SYT7: variants seen among roughly 807,000 people sequenced by gnomAD.
SYT7 encodes synaptotagmin-7.
Under a neutral mutation model 75.1 loss-of-function variants are expected in SYT7, and 29 were observed. That is an observed-to-expected ratio of 0.39 (90% confidence interval 0.29 to 0.53). The LOEUF is 0.53. Ranked by LOEUF, SYT7 falls within the 20% of genes least tolerant of loss-of-function variation. SYT7 has a pLI of 0.77. For synonymous variants in SYT7, 376 were observed against 401.7 expected (o/e 0.94, Z 0.76); for missense variants, 693 against 953.2 (o/e 0.73, Z 3.59).
At chr11:61,556,330 C>A in intron 1 of SYT7, 123 bp from the exon 2 acceptor site, 1 of 711,714 alleles carries the variant, frequency 1.4e-6, no homozygotes, top group Admixed American at 2.7e-5. Flanking sequence ...AGCTCTGAAC[C>A]CAGGTTCTAC....
chr11:61,551,317 G>A lies in SYT7; in HGVS notation c.215+67C>T. 2 of 1,465,428 alleles carry A rather than the reference G, an allele frequency of 1.4e-6. No homozygotes were observed. Among genetic ancestry groups the A allele is most frequent in the Non-Finnish European group, 1.9e-6 (2 of 1,050,040 alleles). 90.8% of individuals were successfully genotyped at this position (1,465,428 alleles called of 1,614,324 possible). On this transcript the variant is annotated intron_variant, in intron 3 of 12. Transcript: ENST00000539008. The surrounding 1 kb of genome is among the most constrained non-coding windows in gnomAD (Gnocchi z 5.3). ...TGGTCAGGTCTGTGGGGCTGGGGGAGAGAAGGGGCTCCTCCCACCTGGGCT... is the reference window on the plus strand; with the variant it reads ...TGGTCAGGTCTGTGGGGCTGGGGGAAAGAAGGGGCTCCTCCCACCTGGGCT...
At chr11:61,540,418 T>C (rs1429093865) in intron 6 of SYT7, 4 of 768,790 alleles carry the variant, frequency 5.2e-6, no homozygotes, top group Non-Finnish European at 6.3e-6. Flanking sequence ...TTTTAGAGGG[T>C]TGTTTTAAAG....
rs1041170739 is a variant in SYT7, at chr11:61,542,137, C to T, written c.941+74G>A. 7 of 1,481,484 alleles carry T rather than the reference C, an allele frequency of 4.7e-6. No individual in the cohort carries two copies. The African/African-American group carries it at 5.7e-5, about 12-fold the overall frequency. The allele number at this position is 1,481,484 out of a possible 1,614,324, so 91.8% of individuals were successfully genotyped here. A position where few individuals can be genotyped will look rare whatever the true frequency, so the allele number is the denominator to read the frequency against. On this transcript the variant is annotated intron_variant, in intron 6 of 12. Coordinates refer to ENST00000539008, the MANE Select transcript of SYT7 (RefSeq NM_001365809.2). This position sits in a 1 kb window ranked among gnomAD's most constrained non-coding sequence, Gnocchi z 7.8. ...GCCGGGAGGTACACACAACCAGCTG[C>T]TCCCAAGGAGATCTGGGGGGCAGGA... is the stretch of plus-strand genomic sequence containing the variant.
At chr11:61,522,001 G>A (rs1252033952) in intron 12 of SYT7, among the ~76,000 whole-genome samples, 2 of 152,236 alleles carry the variant, frequency 1.3e-5, no homozygotes, top group African/African-American at 4.8e-5. Flanking sequence ...GCGTTAAAAA[G>A]TAACGCTAGG....
At chr11:61,579,760 T>C (rs2064192894) in intron 1 of SYT7, among the ~76,000 whole-genome samples, 1 of 152,198 alleles carries the variant, frequency 6.6e-6, no homozygotes, top group Non-Finnish European at 1.5e-5. Context: ...CTGGAGGCTC[T>C]TCGTTTGGGA....
intron 1 of SYT7, among the ~76,000 whole-genome samples, chr11:61,577,585 A>G (rs181367678): frequency 7.9e-4 from 121 of 152,232 alleles, no homozygotes; most frequent in African/African-American, 2.7e-3. Flanking sequence ...CAGTGACTGG[A>G]GGGTTGGCCT....
At chr11:61,548,058 G>A (rs1441788333) in intron 3 of SYT7, among the ~76,000 whole-genome samples, 6 of 152,184 alleles carry the variant, frequency 3.9e-5, no homozygotes, top group Non-Finnish European at 8.8e-5. Context: ...TAAGACTGGG[G>A]GATCTCAGCT....
intron 6 of SYT7, among the ~76,000 whole-genome samples, chr11:61,538,883 A>C (rs2062961240): frequency 6.6e-6 from 1 of 152,182 alleles, no homozygotes; most frequent in African/African-American, 2.4e-5. Flanking sequence ...GTCATGGTCA[A>C]CCAGATGTCC....
At chr11:61,538,525 G>C (rs2062949779) in intron 6 of SYT7, among the ~76,000 whole-genome samples, 1 of 152,168 alleles carries the variant, frequency 6.6e-6, no homozygotes, top group Admixed American at 6.5e-5. Flanking sequence ...GGAGGGAGGG[G>C]AGTTGACTAC....
chr11:61,550,649 C>T (rs974820618), intron 3 of SYT7, among the ~76,000 whole-genome samples: 2 of 152,096 alleles, frequency 1.3e-5, no homozygotes, highest in Non-Finnish European at 2.9e-5. Context: ...AGGCCTCCCC[C>T]CCAGCAAAAG....
At chr11:61,552,546 C>T (rs917987032) in intron 2 of SYT7, among the ~76,000 whole-genome samples, 27 of 152,218 alleles carry the variant, frequency 1.8e-4, no homozygotes, top group African/African-American at 6.0e-4. Context: ...ACCAGCACCA[C>T]AGCCACAACA....
In SYT7 at chr11:61,576,642, G is replaced by C. The variant is rs2064087459; in HGVS notation, c.31+4148C>G. On this transcript the variant is annotated intron_variant, in intron 1 of 12. Coordinates refer to ENST00000539008, the MANE Select transcript of SYT7 (RefSeq NM_001365809.2). The surrounding 1 kb of genome is among the most constrained non-coding windows in gnomAD (Gnocchi z 4.1). ...TGGCCTCACTCCCCTGGGGGAACCA[G>C]TTATTGAAAACGAAAACGGTCCATC... Among the ~76,000 whole-genome samples the C allele has an allele frequency of 7.2e-6, 1 of 139,152 alleles. No homozygotes were observed. The highest frequency in any genetic ancestry group is 1.5e-5 in the Non-Finnish European group (1 of 65,202). 91.3% of individuals were successfully genotyped at this position (139,152 alleles called of 152,430 possible).
In SYT7 at chr11:61,524,562, G is replaced by A. The variant is rs2135071580; in HGVS notation, c.1472-30C>T. On this transcript the variant is annotated intron_variant, in intron 9 of 12. Coordinates refer to ENST00000539008, the MANE Select transcript of SYT7 (RefSeq NM_001365809.2). The surrounding 1 kb of genome is among the most constrained non-coding windows in gnomAD (Gnocchi z 4.1). Reference sequence around the variant, plus strand: ...GGGTATAGATGAGTGTGAGTGAAGAGGGGGACAGAGGGGCTGCACGGGGCC... The same window carrying A: ...GGGTATAGATGAGTGTGAGTGAAGAAGGGGACAGAGGGGCTGCACGGGGCC... 3 of 1,540,912 alleles carry A rather than the reference G, an allele frequency of 1.9e-6. No homozygotes were observed. Among genetic ancestry groups the A allele is most frequent in the African/African-American group, 1.4e-5 (1 of 72,958 alleles).
At chr11:61,547,418 G>A (rs577041168) in intron 3 of SYT7, 110 bp from the exon 4 acceptor site, 2 of 1,311,520 alleles carry the variant, frequency 1.5e-6, no homozygotes, top group South Asian at 1.5e-5. Context: ...GGCACACAGT[G>A]GGCGGGGCTT....
chr11:61,538,083 G>T, intron 7 of SYT7, 61 bp downstream of exon 7: 1 of 1,527,834 alleles, frequency 6.5e-7, no homozygotes, highest in Non-Finnish European at 8.8e-7. Flanking sequence ...GTCGAGGCAG[G>T]CGGCCTCTCC....
rs1194947359 is a variant in SYT7 at position 61,534,433 on chromosome 11, ACGCACACGCACGCACACACG to A, written c.1065-1329_1065-1310del. Among the ~76,000 whole-genome samples, 21 of 5,232 alleles carry A rather than the reference ACGCACACGCACGCACACACG, an allele frequency of 4.0e-3. No individual in the cohort carries two copies. The South Asian group carries it at 0.15, about 37-fold the overall frequency. 3.4% of individuals were successfully genotyped at this position (5,232 alleles called of 152,430 possible). On this transcript the variant is annotated intron_variant, in intron 7 of 12. Coordinates refer to ENST00000539008, the MANE Select transcript of SYT7 (RefSeq NM_001365809.2). ...CGCACGCACACATGCGCATACACAC[ACGCACACGCACGCACACACG>A]CACGTGCGTGCATATGTACACACAC...
intron 6 of SYT7, among the ~76,000 whole-genome samples, chr11:61,538,651 G>A (rs934900162): frequency 5.9e-5 from 9 of 152,074 alleles, no homozygotes; most frequent in Admixed American, 2.6e-4. Context: ...AAGGGAACAC[G>A]GGGGATAGGG....
intron 12 of SYT7, among the ~76,000 whole-genome samples, chr11:61,519,743 G>A (rs145028066): frequency 2.2e-4 from 34 of 152,238 alleles, no homozygotes; most frequent in Non-Finnish European, 4.4e-4. Context: ...CTGCGTAAGG[G>A]GTAGATGGGA....
chr11:61,585,693 G>A (rs910442760), upstream of SYT7, among the ~76,000 whole-genome samples: 63 of 152,098 alleles, frequency 4.1e-4, no homozygotes, highest in African/African-American at 1.4e-3. Context: ...GCCTCCTCTC[G>A]CCAGACCCAG....
Sources: gnomAD v4.1 joint callset for allele counts (sites outside exome capture counted in the v4.1 genomes callset) on GRCh38, gnomAD v4.1.1 for gene constraint, Gnocchi (gnomAD v3.1) non-coding constraint, MANE v1.5 for transcripts, NCBI Gene and HGNC (gene_info 2026-07-23, HGNC 2026-07-21) for gene names.